Variants in FRMD5 observed in about 807,000 individuals in gnomAD.
FRMD5 encodes the protein FERM domain-containing protein 5.
In FRMD5, 20 loss-of-function variants were observed where a neutral mutation model predicts 69.0. The ratio of observed to expected loss-of-function variants is 0.29; its 90% CI spans 0.20 to 0.42. The LOEUF is 0.42. Ranked by LOEUF, FRMD5 falls within the 10% of genes least tolerant of loss-of-function variation. FRMD5 has a pLI of 1.00. For missense variants in FRMD5, 595 were observed against 708.6 expected (o/e 0.84, Z 1.82); for synonymous variants, 271 against 260.1 (o/e 1.04, Z -0.40).
At chr15:43,925,065 C>T (rs1206325733) in intron 1 of FRMD5, among the ~76,000 whole-genome samples, 1 of 144,136 alleles carries the variant, frequency 6.9e-6, no homozygotes, top group Non-Finnish European at 1.5e-5. Flanking sequence ...AGTGCAATAG[C>T]GCAGTCTTGG....
At chr15:44,139,523 G>A (rs2077235702) in intron 1 of FRMD5, among the ~76,000 whole-genome samples, 1 of 151,712 alleles carries the variant, frequency 6.6e-6, no homozygotes, top group Admixed American at 6.6e-5. Flanking sequence ...TATCAGGAAG[G>A]TGCAAAAGAA....
At chr15:43,961,452 T>C (rs1369777358) in intron 1 of FRMD5, among the ~76,000 whole-genome samples, 3 of 152,164 alleles carry the variant, frequency 2.0e-5, no homozygotes, top group Non-Finnish European at 2.9e-5. Context: ...CAGATGGATT[T>C]GCAGCCGAAT....
intron 1 of FRMD5, among the ~76,000 whole-genome samples, chr15:44,186,233 G>C (rs2706461): frequency 0.11 from 16,571 of 152,096 alleles, 2,059 homozygotes; most frequent in African/African-American, 0.31. Context: ...GGCCTTTCTT[G>C]TGTTATGATC....
intron 7 of FRMD5, among the ~76,000 whole-genome samples, chr15:43,895,615 C>G (rs1253372091): frequency 1.3e-5 from 2 of 152,232 alleles, no homozygotes; most frequent in Non-Finnish European, 2.9e-5. Flanking sequence ...TGAACAATCC[C>G]AATTGTTCCC....
chr15:44,075,686 A>AT (rs999078351), intron 1 of FRMD5, among the ~76,000 whole-genome samples: 4 of 152,076 alleles, frequency 2.6e-5, no homozygotes, highest in Admixed American at 2.0e-4. Context: ...TGTTTGACTC[A>AT]TTTTTTCTAT....
Position 43,871,486 on chromosome 15 carries a change from T to C in FRMD5, c.*2399A>G, listed in dbSNP as rs920798920. On this transcript the variant is annotated 3_prime_UTR_variant, in exon 14 of 14. Coordinates refer to ENST00000417257, the MANE Select transcript of FRMD5 (RefSeq NM_032892.5). ...CTACACTAAAAGGTAATCTTCTATG[T>C]TGCATAAGACAGTAGATACCAGGTG... is the stretch of plus-strand genomic sequence containing the variant. 2.6e-5 allele frequency: 4 copies of C among 152,232 alleles called. No homozygotes were observed. Among genetic ancestry groups the C allele is most frequent in the South Asian group, 2.1e-4 (1 of 4,824 alleles). 9.4% of individuals were successfully genotyped at this position (152,232 alleles called of 1,614,324 possible). A position where few individuals can be genotyped will look rare whatever the true frequency, so the allele number is the denominator to read the frequency against.
intron 1 of FRMD5, among the ~76,000 whole-genome samples, chr15:44,045,941 T>C (rs1009715078): frequency 6.6e-6 from 1 of 152,196 alleles, no homozygotes; most frequent in African/African-American, 2.4e-5. Context: ...GATAGTTCAG[T>C]GGAATTATTC....
chr15:44,072,354 G>T (rs1452359368), intron 1 of FRMD5, among the ~76,000 whole-genome samples: 6 of 152,134 alleles, frequency 3.9e-5, no homozygotes, highest in African/African-American at 1.4e-4. Context: ...CTGCCTGATA[G>T]AAAAGAACCC....
At chr15:43,933,058 C>A (rs2089702156) in intron 1 of FRMD5, among the ~76,000 whole-genome samples, 1 of 152,210 alleles carries the variant, frequency 6.6e-6, no homozygotes, top group Non-Finnish European at 1.5e-5. Context: ...CCCTTCCCAG[C>A]ACTGAGTAGA....
At chr15:44,004,768 T>G (rs919080878) in intron 1 of FRMD5, among the ~76,000 whole-genome samples, 9 of 152,226 alleles carry the variant, frequency 5.9e-5, no homozygotes, top group African/African-American at 2.2e-4. Context: ...AAAAGTCACA[T>G]GTCTTTAACT....
intron 1 of FRMD5, among the ~76,000 whole-genome samples, chr15:43,944,522 C>A (rs558135387): frequency 1.3e-5 from 2 of 151,610 alleles, no homozygotes; most frequent in African/African-American, 2.4e-5. Context: ...CCCGAACTCC[C>A]GGGTTCAAGT....
At chr15:43,875,955 G>C in intron 13 of FRMD5, 1 of 1,373,322 alleles carries the variant, frequency 7.3e-7, no homozygotes, top group Non-Finnish European at 1.0e-6. Flanking sequence ...GGCAAATGCT[G>C]CTTCTTGAAA....
chr15:44,143,731 C>T (rs2077308833), intron 1 of FRMD5, among the ~76,000 whole-genome samples: 1 of 151,250 alleles, frequency 6.6e-6, no homozygotes, highest in Non-Finnish European at 1.5e-5. Context: ...TGAGACCATC[C>T]TGGCTAACGC....
chr15:44,007,038 T>C (rs1469599153), intron 1 of FRMD5, among the ~76,000 whole-genome samples: 2 of 152,170 alleles, frequency 1.3e-5, no homozygotes, highest in Non-Finnish European at 2.9e-5. Context: ...GGTTATCTTA[T>C]CTTATTATAA....
intron 1 of FRMD5, among the ~76,000 whole-genome samples, chr15:44,121,473 T>C (rs1167162805): frequency 8.5e-5 from 13 of 152,098 alleles, no homozygotes; most frequent in Admixed American, 7.2e-4. Flanking sequence ...GCTTTCAGTC[T>C]TCAATCCAAT....
chr15:43,958,020 A>G (rs771854030), intron 1 of FRMD5, among the ~76,000 whole-genome samples: 67 of 152,360 alleles, frequency 4.4e-4, no homozygotes, highest in Non-Finnish European at 7.9e-4. Context: ...AGAAAGGTCA[A>G]GTGTGTGTAA....
intron 1 of FRMD5, among the ~76,000 whole-genome samples, chr15:44,140,287 T>C (rs192625303): frequency 2.0e-5 from 3 of 152,058 alleles, no homozygotes; most frequent in African/African-American, 4.8e-5. Flanking sequence ...TAATCATATA[T>C]AGAGAAAATA....
intron 1 of FRMD5, among the ~76,000 whole-genome samples, chr15:44,170,879 GACTT>G (rs1372974875): frequency 1.3e-5 from 2 of 152,080 alleles, no homozygotes; most frequent in Admixed American, 6.5e-5. Context: ...TTAACAAAGA[GACTT>G]ACTATCGATT....
intron 1 of FRMD5, among the ~76,000 whole-genome samples, chr15:43,956,554 A>C (rs12592921): frequency 0.13 from 20,382 of 152,164 alleles, 1,671 homozygotes; most frequent in Middle Eastern, 0.21. Context: ...ATTAAGAAAA[A>C]TAGATTGAAT....
Sources: gnomAD v4.1 joint callset for allele counts (sites outside exome capture counted in the v4.1 genomes callset) on GRCh38, gnomAD v4.1.1 for gene constraint, MANE v1.5 for transcripts, NCBI Gene and HGNC (gene_info 2026-07-23, HGNC 2026-07-21) for gene names.